UBA52: variants seen among roughly 807,000 people sequenced by gnomAD.
The protein encoded by UBA52 is ubiquitin-ribosomal protein eL40 fusion protein.
A neutral mutation model predicts 15.3 loss-of-function variants in UBA52; 1 was observed. That is an observed-to-expected ratio of 0.07 (90% confidence interval 0.02 to 0.31). The LOEUF is 0.31. UBA52 is among the 10% of genes least tolerant of loss of function. UBA52 has a pLI of 1.00. For missense variants in UBA52, 87 were observed against 168.0 expected (o/e 0.52, Z 2.66); for synonymous variants, 50 against 58.3 (o/e 0.86, Z 0.65).
chr19:18,572,270 C>G (rs1352437978), intron 1 of UBA52: 2 of 152,252 alleles, frequency 1.3e-5, no homozygotes, highest in Non-Finnish European at 2.9e-5. Context: ...ATACCTGGCT[C>G]CATTACTACG....
chr19:18,564,663 A>T, the UBA52 span, among the ~76,000 whole-genome samples: 367 of 152,288 alleles, frequency 2.4e-3, 3 homozygotes, highest in African/African-American at 8.2e-3. Context: ...AGGCTACATG[A>T]GAAGGACACA....
chr19:18,564,652 A>G, the UBA52 span, among the ~76,000 whole-genome samples: 3 of 152,180 alleles, frequency 2.0e-5, no homozygotes, highest in Non-Finnish European at 4.4e-5. Flanking sequence ...AGAGGTAGAC[A>G]AGGCTACATG....
At chr19:18,573,466 GTC>G in intron 2 of UBA52, 63 bp downstream of exon 2, 2 of 1,446,194 alleles carry the variant, frequency 1.4e-6, no homozygotes, top group Non-Finnish European at 1.9e-6. Context: ...GCCCAGGGGA[GTC>G]TCAGTCCTGT....
Position 18,575,267 on chromosome 19 carries a change from C to A in UBA52, c.*117C>A. The A allele has an allele frequency of 7.8e-7, 1 of 1,278,536 alleles. No individual in the cohort carries two copies. The highest frequency in any genetic ancestry group is 2.5e-5 in the East Asian group (1 of 40,362). The allele number at this position is 1,278,536 out of a possible 1,614,324, so 79.2% of individuals were successfully genotyped here. On this transcript the variant is annotated 3_prime_UTR_variant, in exon 5 of 5. Transcript: ENST00000442744. ...TTGGTGTCCTCATGGCTGATCTGTC[C>A]AGGGAGGTGGCTGAAGAGTGGGCAT...
At chr19:18,565,709 G>T in the UBA52 span, among the ~76,000 whole-genome samples, 2 of 148,944 alleles carry the variant, frequency 1.3e-5, no homozygotes, top group South Asian at 2.1e-4. Context: ...TATTTTTGAG[G>T]TGGAGTCTTG....
At chr19:18,568,824 C>G, upstream of UBA52, 1 of 594,034 alleles carries the variant, frequency 1.7e-6, no homozygotes, top group Non-Finnish European at 3.0e-6. Flanking sequence ...CTCCTTCCTT[C>G]CTCAGAACAT....
At chr19:18,566,524 C>A in the UBA52 span, among the ~76,000 whole-genome samples, 1 of 151,544 alleles carries the variant, frequency 6.6e-6, no homozygotes, top group Non-Finnish European at 1.5e-5. Flanking sequence ...GGCACAGTGG[C>A]TCATGCCTGT....
the UBA52 span, among the ~76,000 whole-genome samples, chr19:18,563,856 A>G: frequency 6.7e-6 from 1 of 150,370 alleles, no homozygotes; most frequent in Non-Finnish European, 1.5e-5. Flanking sequence ...CCAGACCTCA[A>G]GTGATCCACC....
At chr19:18,568,717 G>A, upstream of UBA52, 1 of 1,045,760 alleles carries the variant, frequency 9.6e-7, no homozygotes, top group Non-Finnish European at 1.4e-6. Context: ...TGTCATCCAG[G>A]GCTCCTTTGC....
chr19:18,572,375 G>A (rs775989561), intron 1 of UBA52: 1 of 152,182 alleles, frequency 6.6e-6, no homozygotes, highest in South Asian at 2.1e-4. Flanking sequence ...TGTCGCCTAA[G>A]CTGGAGTTCA....
At chr19:18,571,836 G>C (rs1459505410), upstream of UBA52, 2 of 152,430 alleles carry the variant, frequency 1.3e-5, no homozygotes, top group Middle Eastern at 3.2e-3. Flanking sequence ...GCGGCGATTA[G>C]GTGGTTTCCG....
chr19:18,571,521 C>T (rs1458439947), upstream of UBA52, among the ~76,000 whole-genome samples: 1 of 152,228 alleles, frequency 6.6e-6, no homozygotes, highest in Non-Finnish European at 1.5e-5. Flanking sequence ...CCGCAGTCCT[C>T]TGCTTAATAC....
At chr19:18,564,555 G>A in the UBA52 span, among the ~76,000 whole-genome samples, 23 of 152,236 alleles carry the variant, frequency 1.5e-4, no homozygotes, top group Non-Finnish European at 2.4e-4. Context: ...CCTGGGAGAC[G>A]GAGCTTGCAG....
chr19:18,568,663 G>A (rs760835332), upstream of UBA52: 15 of 1,534,680 alleles, frequency 9.8e-6, no homozygotes, highest in Non-Finnish European at 1.2e-5. Flanking sequence ...GGGGGTCTCA[G>A]GGCAGCAGCA....
At chr19:18,570,050 T>A (rs1032045309), upstream of UBA52, among the ~76,000 whole-genome samples, 2 of 152,090 alleles carry the variant, frequency 1.3e-5, no homozygotes, top group Non-Finnish European at 2.9e-5. Context: ...AAAAGGAAAT[T>A]AGGTTCTTAA....
At chr19:18,567,961 C>A (rs1975335304), upstream of UBA52, among the ~76,000 whole-genome samples, 1 of 152,160 alleles carries the variant, frequency 6.6e-6, no homozygotes, top group Admixed American at 6.5e-5. Context: ...GTTTTCTCCT[C>A]TACAAAATAA....
At chr19:18,567,509 G>C (rs961285464), upstream of UBA52, among the ~76,000 whole-genome samples, 1 of 152,172 alleles carries the variant, frequency 6.6e-6, no homozygotes, top group Non-Finnish European at 1.5e-5. Context: ...ACATCGTCTC[G>C]CCTTCCCTGA....
chr19:18,574,802 G>A (rs1230691400), intron 3 of UBA52, 68 bp from the exon 4 acceptor site: 63 of 1,584,540 alleles, frequency 4.0e-5, no homozygotes, highest in Non-Finnish European at 5.2e-5. Context: ...GGCCCTGGAG[G>A]GTCCTGCCCC....
At chr19:18,567,090 T>C (rs930690675), upstream of UBA52, 2 of 1,606,622 alleles carry the variant, frequency 1.2e-6, no homozygotes, top group Admixed American at 3.4e-5. Flanking sequence ...CCAGCCTACC[T>C]GCTCAGCAGG....
Sources: gnomAD v4.1 joint callset for allele counts (sites outside exome capture counted in the v4.1 genomes callset) on GRCh38, gnomAD v4.1.1 for gene constraint, MANE v1.5 for transcripts, NCBI Gene and HGNC (gene_info 2026-07-23, HGNC 2026-07-21) for gene names.